NKAIN3: variants seen among roughly 807,000 people sequenced by gnomAD.
NKAIN3 encodes sodium/potassium-transporting ATPase subunit beta-1-interacting protein 3.
NKAIN3 carries 25 observed loss-of-function variants against 30.2 expected under a neutral mutation model. The ratio of observed to expected loss-of-function variants is 0.83; its 90% confidence interval spans 0.60 to 1.16. NKAIN3 has a LOEUF of 1.16. Ranked by LOEUF, NKAIN3 falls within the 50% of genes most tolerant of loss-of-function variation. The probability of loss-of-function intolerance (pLI) is 0.00; values close to 1 mark genes in which losing one functional copy is unlikely to be tolerated. For synonymous variants in NKAIN3, 91 were observed against 89.6 expected (o/e 1.02, Z -0.09); for missense variants, 225 against 254.1 (o/e 0.89, Z 0.78).
At chr8:62,453,006 C>G (rs1805698905) in intron 1 of NKAIN3, among the ~76,000 whole-genome samples, 1 of 152,168 alleles carries the variant, frequency 6.6e-6, no homozygotes, top group African/African-American at 2.4e-5. Context: ...GAAATTCTCA[C>G]AAATACCCAC....
chr8:62,870,229 T>TATATAGATATCTATAG lies in NKAIN3; in HGVS notation c.472-48219_472-48204dup, dbSNP rs1303426644. Reference sequence around the variant, plus strand: ...TTTTGTATATATATATCTATATCTATATATAGATATCTATAGATATCTATA... The same window carrying TATATAGATATCTATAG: ...TTTTGTATATATATATCTATATCTATATATAGATATCTATAGATATAGATATCTATAGATATCTATA... On this transcript the variant is annotated intron_variant, in intron 4 of 6. Coordinates refer to ENST00000623646, the MANE Select transcript of NKAIN3 (RefSeq NM_001304533.3). Among the ~76,000 whole-genome samples the TATATAGATATCTATAG allele has an allele frequency of 5.5e-4, 76 of 138,750 alleles. 2 individuals carry two copies. The highest frequency in any genetic ancestry group is 1.8e-3 in the African/African-American group (71 of 38,884). The allele number at this position is 138,750 out of a possible 152,430, so 91.0% of individuals were successfully genotyped here.
chr8:62,292,548 A>G (rs1813681861), intron 1 of NKAIN3, among the ~76,000 whole-genome samples: 1 of 152,196 alleles, frequency 6.6e-6, no homozygotes, highest in African/African-American at 2.4e-5. Context: ...TTCTTTAAGA[A>G]TGTTGAATAT....
intron 3 of NKAIN3, among the ~76,000 whole-genome samples, chr8:62,637,855 G>T (rs569183586): frequency 6.6e-6 from 1 of 152,072 alleles, no homozygotes; most frequent in Non-Finnish European, 1.5e-5. Context: ...GGTTCCACAA[G>T]GTGAGATATG....
At chr8:62,395,939 G>A (rs1292655134) in intron 1 of NKAIN3, among the ~76,000 whole-genome samples, 3 of 152,110 alleles carry the variant, frequency 2.0e-5, no homozygotes, top group Non-Finnish European at 2.9e-5. Flanking sequence ...TGTAAAATGT[G>A]TATTTAAATC....
chr8:62,404,436 C>T (rs186745150), intron 1 of NKAIN3, among the ~76,000 whole-genome samples: 13 of 152,198 alleles, frequency 8.5e-5, no homozygotes, highest in East Asian at 1.9e-4. Context: ...TGGATGGAGC[C>T]GGTAGGAGGT....
chr8:62,955,015 AT>A (rs1254614095), intron 6 of NKAIN3, among the ~76,000 whole-genome samples: 4 of 152,150 alleles, frequency 2.6e-5, no homozygotes, highest in African/African-American at 9.7e-5. Context: ...ATAAACACAT[AT>A]GAAAAGTTTC....
chr8:62,985,318 A>G (rs1824180487), downstream of NKAIN3, among the ~76,000 whole-genome samples: 1 of 152,230 alleles, frequency 6.6e-6, no homozygotes, highest in Non-Finnish European at 1.5e-5. Context: ...AAGTGTTACT[A>G]AGGTTTTGTG....
chr8:62,670,895 A>G (rs1019814336), intron 3 of NKAIN3, among the ~76,000 whole-genome samples: 1 of 151,426 alleles, frequency 6.6e-6, no homozygotes, highest in South Asian at 2.1e-4. Flanking sequence ...ACACACACAC[A>G]CACACACACA....
chr8:62,889,020 A>T (rs753144269), intron 4 of NKAIN3, among the ~76,000 whole-genome samples: 15 of 152,224 alleles, frequency 9.9e-5, no homozygotes, highest in Admixed American at 3.3e-4. Context: ...AATGGACTAG[A>T]TGCAAAGTTA....
chr8:62,650,918 G>A (rs192285407), intron 3 of NKAIN3, among the ~76,000 whole-genome samples: 2 of 152,210 alleles, frequency 1.3e-5, no homozygotes, highest in East Asian at 3.9e-4. Flanking sequence ...TATGTTGGCT[G>A]AAATAATATT....
chr8:62,953,922 G>T lies in NKAIN3; in HGVS notation c.553G>T (p.Asp185Tyr), dbSNP rs1823350738. The change falls in exon 6 of 7, where the codon GAT becomes TAT. Residue 185 changes from aspartate (D) to tyrosine (Y), a missense_variant. By Grantham distance (160) the Asp-to-Tyr change is radical. Transcript: ENST00000623646. ...TTCAGTTGATTTCATAGGTGGACTT[G>T]ATACACACTCCTACTACCAGGATCA... is the stretch of plus-strand genomic sequence containing the variant. ...EDTFDFIGGL[D>Y]THSYYQDHVE... 1.0e-6 allele frequency: 1 copy of T among 979,892 alleles called. No homozygotes were observed. The highest frequency in any genetic ancestry group is 1.2e-6 in the Non-Finnish European group (1 of 824,564). The allele number at this position is 979,892 out of a possible 1,614,324, so 60.7% of individuals were successfully genotyped here.
chr8:62,362,526 A>G (rs1816598945), intron 1 of NKAIN3, among the ~76,000 whole-genome samples: 1 of 152,214 alleles, frequency 6.6e-6, no homozygotes, highest in Non-Finnish European at 1.5e-5. Context: ...GACATTGGAA[A>G]CTGTAAGAGA....
intron 3 of NKAIN3, among the ~76,000 whole-genome samples, chr8:62,667,611 T>A (rs1176190748): frequency 6.6e-6 from 1 of 151,906 alleles, no homozygotes; most frequent in Non-Finnish European, 1.5e-5. Flanking sequence ...GTCTAAGCCA[T>A]CCTCATTACT....
chr8:62,499,830 C>T (rs550627084), intron 1 of NKAIN3, among the ~76,000 whole-genome samples: 1 of 151,858 alleles, frequency 6.6e-6, no homozygotes, highest in Non-Finnish European at 1.5e-5. Flanking sequence ...TTCTTTCTTT[C>T]TTTCTTTCCT....
chr8:62,613,110 G>T (rs964435643), intron 3 of NKAIN3, among the ~76,000 whole-genome samples: 1 of 152,106 alleles, frequency 6.6e-6, no homozygotes, highest in African/African-American at 2.4e-5. Flanking sequence ...ATTATTACCA[G>T]TGAGTTTTGT....
At chr8:62,291,013 A>G (rs1046736520) in intron 1 of NKAIN3, among the ~76,000 whole-genome samples, 2 of 152,086 alleles carry the variant, frequency 1.3e-5, no homozygotes, top group African/African-American at 4.8e-5. Context: ...TAGATTTTCT[A>G]GTTTATTTGA....
intron 1 of NKAIN3, 57 bp downstream of exon 1, chr8:62,249,184 T>TGCGACTCCCTCTGCGGTTCC (rs1163870710): frequency 1.9e-5 from 26 of 1,403,720 alleles, no homozygotes; most frequent in African/African-American, 1.8e-4. Flanking sequence ...GACCGGCCTC[T>TGCGACTCCCTCTGCGGTTCC]GCGACTCCCT....
chr8:62,837,393 A>G (rs1819398253), intron 4 of NKAIN3, among the ~76,000 whole-genome samples: 1 of 152,204 alleles, frequency 6.6e-6, no homozygotes, highest in Non-Finnish European at 1.5e-5. Context: ...AAACGCCCTT[A>G]TAGTTGGTAT....
chr8:62,819,374 G>T (rs1818785350), intron 4 of NKAIN3, among the ~76,000 whole-genome samples: 1 of 151,864 alleles, frequency 6.6e-6, no homozygotes, highest in African/African-American at 2.4e-5. Flanking sequence ...TGGGTGAATG[G>T]AAATTCATTA....
Sources: gnomAD v4.1 joint callset for allele counts (sites outside exome capture counted in the v4.1 genomes callset) on GRCh38, gnomAD v4.1.1 for gene constraint, MANE v1.5 for transcripts, NCBI Gene and HGNC (gene_info 2026-07-23, HGNC 2026-07-21) for gene names.